Variants in PTPRD observed in about 807,000 individuals in gnomAD.
PTPRD encodes receptor-type tyrosine-protein phosphatase delta.
A neutral mutation model predicts 214.5 loss-of-function variants in PTPRD; 34 were observed. The observed-to-expected ratio is 0.16, with a 90% CI of 0.12 to 0.21. The LOEUF is 0.21. PTPRD is among the 10% of genes least tolerant of loss of function. The pLI is 1.00. For synonymous variants in PTPRD, 1,128 were observed against 845.7 expected (o/e 1.33, Z -5.79); for missense variants, 2,545 against 2,398.7 (o/e 1.06, Z -1.27).
chr9:10,070,347 T>C (rs2097978941), intron 3 of PTPRD, among the ~76,000 whole-genome samples: 1 of 152,034 alleles, frequency 6.6e-6, no homozygotes, highest in South Asian at 2.1e-4. Flanking sequence ...ATTATAAAGT[T>C]TTTCTCTAAC....
intron 3 of PTPRD, among the ~76,000 whole-genome samples, chr9:10,266,418 G>T (rs977987116): frequency 2.6e-5 from 4 of 152,148 alleles, no homozygotes; most frequent in Non-Finnish European, 4.4e-5. Context: ...TAAGAGAATG[G>T]ATGAGGCTAA....
intron 10 of PTPRD, among the ~76,000 whole-genome samples, chr9:9,044,063 A>G (rs1408805693): frequency 6.6e-6 from 1 of 152,218 alleles, no homozygotes; most frequent in Non-Finnish European, 1.5e-5. Context: ...AGGAAGTCTG[A>G]TGTATTAGTG....
At chr9:8,584,431 G>T (rs1480980755) in intron 14 of PTPRD, among the ~76,000 whole-genome samples, 2 of 150,142 alleles carry the variant, frequency 1.3e-5, no homozygotes, top group Non-Finnish European at 3.0e-5. Context: ...TATTGGTATT[G>T]GTACTAACTG....
At chr9:8,825,252 A>C (rs993163906) in intron 11 of PTPRD, among the ~76,000 whole-genome samples, 33 of 152,152 alleles carry the variant, frequency 2.2e-4, no homozygotes, top group African/African-American at 7.7e-4. Context: ...CAGTTTTCTA[A>C]AGGGTTTTTA....
intron 4 of PTPRD, among the ~76,000 whole-genome samples, chr9:9,954,995 T>C (rs1410753567): frequency 1.3e-5 from 2 of 152,132 alleles, no homozygotes; most frequent in East Asian, 3.8e-4. Flanking sequence ...GTGCAAGAAA[T>C]GTTAAAGGCC....
chr9:9,962,110 A>C (rs1336490424), intron 4 of PTPRD, among the ~76,000 whole-genome samples: 1 of 152,146 alleles, frequency 6.6e-6, no homozygotes, highest in East Asian at 1.9e-4. Context: ...TTCTGACAGC[A>C]GAACCAAATT....
chr9:8,822,501 T>G (rs1453095028), intron 11 of PTPRD, among the ~76,000 whole-genome samples: 1 of 152,178 alleles, frequency 6.6e-6, no homozygotes, highest in Non-Finnish European at 1.5e-5. Flanking sequence ...ATTTATACCT[T>G]GGTTGGAAAG....
chr9:9,076,875 C>T (rs1216336114), intron 10 of PTPRD, among the ~76,000 whole-genome samples: 1 of 149,122 alleles, frequency 6.7e-6, no homozygotes, highest in African/African-American at 2.5e-5. Flanking sequence ...TGAGGAAATT[C>T]CAAACTGTTC....
chr9:10,324,944 T>C (rs141461903), intron 3 of PTPRD, among the ~76,000 whole-genome samples: 1 of 152,126 alleles, frequency 6.6e-6, no homozygotes, highest in East Asian at 1.9e-4. Context: ...TTAATCAATA[T>C]ATAATGTACT....
rs77369397 is a variant in PTPRD, at chr9:9,134,901, A to C, written c.-143+48403T>G. ...TTCAATAATTTTAGAAATGGTACAT[A>C]AAAATCAGTAGTTATGTCACAGGAT... On this transcript the variant is annotated intron_variant, in intron 10 of 45. Coordinates refer to ENST00000381196, the MANE Select transcript of PTPRD (RefSeq NM_002839.4). Among the ~76,000 whole-genome samples the C allele has an allele frequency of 7.1e-3, 1,085 of 152,284 alleles. 18 individuals carry two copies. The highest frequency in any genetic ancestry group is 0.025 in the African/African-American group (1,036 of 41,542).
chr9:9,428,897 T>C (rs867528399), intron 8 of PTPRD, among the ~76,000 whole-genome samples: 1 of 152,164 alleles, frequency 6.6e-6, no homozygotes, highest in Non-Finnish European at 1.5e-5. Context: ...GGGACACATT[T>C]AAAGCAGTGT....
chr9:9,466,110 C>A (rs908940358), intron 8 of PTPRD, among the ~76,000 whole-genome samples: 15 of 151,918 alleles, frequency 9.9e-5, no homozygotes, highest in Admixed American at 9.8e-4. Context: ...GAGTTCCTGA[C>A]CAGCCTGGCC....
At chr9:8,517,158 C>A (rs1318555352) in intron 21 of PTPRD, among the ~76,000 whole-genome samples, 1 of 150,576 alleles carries the variant, frequency 6.6e-6, no homozygotes, top group Non-Finnish European at 1.5e-5. Flanking sequence ...CAAAGCCAAA[C>A]TGATCACCTT....
intron 10 of PTPRD, among the ~76,000 whole-genome samples, chr9:9,076,467 C>T (rs1054347545): frequency 3.7e-4 from 56 of 152,018 alleles, no homozygotes; most frequent in Non-Finnish European, 1.5e-4. Context: ...CTCCCAGCCT[C>T]TGGTAAGTAT....
intron 39 of PTPRD, among the ~76,000 whole-genome samples, chr9:8,355,254 A>C (rs72691013): frequency 0.041 from 6,179 of 152,144 alleles, 199 homozygotes; most frequent in Admixed American, 0.11. Context: ...CCTTCCACCA[A>C]ACTTCCTGGG....
At chr9:8,328,116 T>C (rs1835856550) in intron 44 of PTPRD, among the ~76,000 whole-genome samples, 1 of 152,212 alleles carries the variant, frequency 6.6e-6, no homozygotes, top group Non-Finnish European at 1.5e-5. Flanking sequence ...CCAGCATCGA[T>C]GGTCTTTACA....
chr9:10,039,501 C>T (rs905691576), intron 3 of PTPRD, among the ~76,000 whole-genome samples: 2 of 151,998 alleles, frequency 1.3e-5, no homozygotes, highest in African/African-American at 4.8e-5. Context: ...GAAAGTTACA[C>T]AAGTAAGCTA....
At chr9:9,878,880 C>G (rs1484650377) in intron 5 of PTPRD, among the ~76,000 whole-genome samples, 1 of 152,124 alleles carries the variant, frequency 6.6e-6, no homozygotes, top group African/African-American at 2.4e-5. Context: ...CTCCTTCCCT[C>G]CACAATCAAA....
intron 3 of PTPRD, among the ~76,000 whole-genome samples, chr9:10,285,603 ATC>A (rs1170484378): frequency 1.7e-5 from 2 of 114,646 alleles, no homozygotes; most frequent in Non-Finnish European, 3.3e-5. Flanking sequence ...TTGGGGTCTC[ATC>A]TTTTTTTTTT....
Sources: gnomAD v4.1 joint callset for allele counts (sites outside exome capture counted in the v4.1 genomes callset) on GRCh38, gnomAD v4.1.1 for gene constraint, MANE v1.5 for transcripts, NCBI Gene and HGNC (gene_info 2026-07-23, HGNC 2026-07-21) for gene names.